Variants in DPEP1 observed in about 807,000 individuals in gnomAD.
The protein encoded by DPEP1 is dipeptidase 1.
DPEP1 carries 50 observed loss-of-function variants against 42.3 expected under a neutral mutation model. The ratio of observed to expected loss-of-function variants is 1.18; its 90% CI spans 0.94 to 1.50. DPEP1 has a LOEUF of 1.50. Ranked by LOEUF, DPEP1 falls within the 40% of genes most tolerant of loss-of-function variation. The pLI, the probability that DPEP1 is intolerant of heterozygous loss-of-function variation, is 0.00. For missense variants in DPEP1, 663 were observed against 553.0 expected, an observed-to-expected ratio of 1.20 and a Z score of -1.99; for synonymous variants, 297 against 234.0, an observed-to-expected ratio of 1.27 and a Z score of -2.46.
chr16:89,630,506 C>T lies in DPEP1; in HGVS notation c.96C>T (p.Val32=), dbSNP rs1316633260. Residue 32 remains valine, a synonymous_variant, in exon 2 of 11, where the codon GTC becomes GTT. Coordinates refer to ENST00000690203, the MANE Select transcript of DPEP1 (RefSeq NM_001389466.1). ...AGAGGATCATGAGGGACTCCCCTGT[C>T]ATTGATGGGTGAGTGCTCACCTGAG... ...EAERIMRDSP[V]IDGHNDLPWQ... 1.7e-5 allele frequency: 26 copies of T among 1,569,128 alleles called. No homozygotes were observed. Among genetic ancestry groups the T allele is most frequent in the Non-Finnish European group, 2.2e-5 (26 of 1,155,964 alleles).
intron 1 of DPEP1, among the ~76,000 whole-genome samples, chr16:89,615,274 C>G (rs2059370225): frequency 6.6e-6 from 1 of 152,212 alleles, no homozygotes; most frequent in Non-Finnish European, 1.5e-5. Flanking sequence ...AGCGGCCTCT[C>G]AGAGCCGCCC....
At chr16:89,638,652 A>G (rs1298315307), downstream of DPEP1, among the ~76,000 whole-genome samples, 1 of 149,958 alleles carries the variant, frequency 6.7e-6, no homozygotes, top group Non-Finnish European at 1.5e-5. Flanking sequence ...GCACCGGTGC[A>G]CACACCCCAC....
intron 2 of DPEP1, among the ~76,000 whole-genome samples, chr16:89,630,749 G>T (rs1396355498): frequency 6.9e-6 from 1 of 144,332 alleles, no homozygotes; most frequent in Admixed American, 6.8e-5. Context: ...CCGGGGCTGG[G>T]GGAGTTTGGC....
intron 1 of DPEP1, among the ~76,000 whole-genome samples, chr16:89,615,089 C>G (rs1845524746): frequency 6.6e-6 from 1 of 152,194 alleles, no homozygotes; most frequent in African/African-American, 2.4e-5. Flanking sequence ...CTAGGGCCTC[C>G]AAACGTGGAA....
rs1370574427 is a variant in DPEP1, at chr16:89,637,519, T to A, written c.820T>A (p.Cys274Ser). ...MVNFYNNYIS[C>S]TNKANLSQVA... ...GAACTTCTACAACAATTACATTTCCTGCACCAACAAGGCCAACCTGTCCCA... is the reference window on the plus strand; with the variant it reads ...GAACTTCTACAACAATTACATTTCCAGCACCAACAAGGCCAACCTGTCCCA... Residue 274 changes from cysteine to serine, a missense_variant, in exon 8 of 11, where the codon TGC (cysteine) becomes AGC (serine). Transcript: ENST00000690203. The A allele has an allele frequency of 3.7e-6, 6 of 1,612,722 alleles. No homozygotes were observed. The South Asian group carries it at 6.6e-5, about 18-fold the overall frequency.
chr16:89,638,530 C>G, downstream of DPEP1: 2 of 1,171,990 alleles, frequency 1.7e-6, no homozygotes, highest in Non-Finnish European at 2.1e-6. Context: ...GATCCTGGAT[C>G]GAGTCTTCGG....
chr16:89,637,116 G>A (rs1187328649), intron 6 of DPEP1, 88 bp from the exon 7 acceptor site: 1 of 1,544,740 alleles, frequency 6.5e-7, no homozygotes, highest in East Asian at 2.3e-5. Flanking sequence ...AGCCACGAAG[G>A]ATGATGACTC....
chr16:89,637,018 G>A (rs1336827285), intron 6 of DPEP1, 83 bp downstream of exon 6: 24 of 1,567,340 alleles, frequency 1.5e-5, no homozygotes, highest in East Asian at 1.1e-4. Context: ...ATCTCCTCAC[G>A]TGGGACCTCA....
chr16:89,615,761 G>C (rs35078537), intron 1 of DPEP1, among the ~76,000 whole-genome samples: 38,529 of 152,142 alleles, frequency 0.25, 5,321 homozygotes, highest in East Asian at 0.51. Context: ...CAGAGGGCAG[G>C]AGCTGCAGCA....
intron 2 of DPEP1, among the ~76,000 whole-genome samples, chr16:89,632,539 C>T (rs925833194): frequency 2.6e-5 from 4 of 152,222 alleles, no homozygotes; most frequent in South Asian, 2.1e-4. Flanking sequence ...TCCCCACGAA[C>T]AGCTGCCTGA....
chr16:89,638,794 ACCCCCCACCCCTG>A (rs2059718185), downstream of DPEP1, among the ~76,000 whole-genome samples: 2 of 44,042 alleles, frequency 4.5e-5, no homozygotes, highest in Non-Finnish European at 8.4e-5. Context: ...CTGCACGCAC[ACCCCCCACCCCTG>A]CACACACACA....
chr16:89,633,804 C>G (rs72805588), intron 2 of DPEP1, among the ~76,000 whole-genome samples: 2,302 of 116,612 alleles, frequency 0.02, 31 homozygotes, highest in South Asian at 0.05. Flanking sequence ...AGGGATGGGT[C>G]TGGAAACTGC....
chr16:89,636,904 C>T lies in DPEP1; in HGVS notation c.560C>T (p.Pro187Leu). The T allele has an allele frequency of 1.2e-6, 2 of 1,612,558 alleles. No homozygotes were observed. Among genetic ancestry groups the T allele is most frequent in the Non-Finnish European group, 1.7e-6 (2 of 1,179,936 alleles). Residue 187 changes from proline (P) to leucine (L), a missense_variant, in exon 6 of 11, where the codon CCC (proline) becomes CTC (leucine). Pro to Leu is a moderately conservative substitution (Grantham distance 98, BLOSUM62 -3). Coordinates refer to ENST00000690203, the MANE Select transcript of DPEP1 (RefSeq NM_001389466.1). ...CTGGTGGACACGGGAGACAGCGAGC[C>T]CCAGAGCCAAGGCTTGTCACCCTTT... is the stretch of plus-strand genomic sequence containing the variant. Reference protein sequence around the residue: ...NWLVDTGDSEPQSQGLSPFGQ... With the variant: ...NWLVDTGDSELQSQGLSPFGQ...
At chr16:89,628,825 TTTTG>T (rs988071070) in intron 1 of DPEP1, among the ~76,000 whole-genome samples, 16 of 151,408 alleles carry the variant, frequency 1.1e-4, no homozygotes, top group African/African-American at 3.2e-4. Flanking sequence ...GCGGTTTGTG[TTTTG>T]TTTGTTTGTT....
At chr16:89,616,849 C>T (rs2059383352) in intron 1 of DPEP1, 1 of 227,102 alleles carries the variant, frequency 4.4e-6, no homozygotes, top group South Asian at 3.8e-5. Context: ...CAGGAAGTGG[C>T]CAGGAAGCAG....
chr16:89,633,434 C>T (rs913335836), intron 2 of DPEP1, among the ~76,000 whole-genome samples: 12 of 152,244 alleles, frequency 7.9e-5, no homozygotes, highest in South Asian at 2.1e-4. Flanking sequence ...AGGTCAGGAA[C>T]GACTGGGACC....
At chr16:89,630,142 G>A (rs778603511) in intron 1 of DPEP1, 163 bp from the exon 2 acceptor site, 20 of 297,604 alleles carry the variant, frequency 6.7e-5, no homozygotes, top group Non-Finnish European at 1.0e-4. Flanking sequence ...CTATGCCTCC[G>A]CCTAGCCCAG....
At chr16:89,639,655 C>T (rs1334023873), downstream of DPEP1, among the ~76,000 whole-genome samples, 1 of 151,508 alleles carries the variant, frequency 6.6e-6, no homozygotes, top group Admixed American at 6.6e-5. Context: ...TGGCTAAGGG[C>T]CCAGGAACCT....
chr16:89,637,834 A>C lies in DPEP1; in HGVS notation c.930-2A>C. 6.2e-7 allele frequency: 1 copy of C among 1,612,732 alleles called. No individual in the cohort carries two copies. The highest frequency in any genetic ancestry group is 8.5e-7 in the Non-Finnish European group (1 of 1,179,896). On this transcript the variant is annotated splice_acceptor_variant, in intron 9 of 10. Transcript: ENST00000690203. LOFTEE classifies it high-confidence loss of function. ...GCCCAGGTTCTCCTGGCCTCAACACAGGGTCCCTGAGGGGCTGGAGGACGT... is the reference window on the plus strand; with the variant it reads ...GCCCAGGTTCTCCTGGCCTCAACACCGGGTCCCTGAGGGGCTGGAGGACGT...
Sources: gnomAD v4.1 joint callset for allele counts (sites outside exome capture counted in the v4.1 genomes callset) on GRCh38, gnomAD v4.1.1 for gene constraint, MANE v1.5 for transcripts, NCBI Gene and HGNC (gene_info 2026-07-23, HGNC 2026-07-21) for gene names.